FOXK2: variants seen among roughly 807,000 people sequenced by gnomAD.
The protein encoded by FOXK2 is forkhead box K2.
In FOXK2, 24 loss-of-function variants were observed where a neutral mutation model predicts 53.3. The observed-to-expected ratio is 0.45, with a 90% CI of 0.33 to 0.63. The LOEUF is 0.63. FOXK2 is among the 30% of genes least tolerant of loss of function. The pLI, the probability that FOXK2 is intolerant of heterozygous loss-of-function variation, is 0.03. For synonymous variants in FOXK2, 505 were observed against 407.1 expected, an observed-to-expected ratio of 1.24 and a Z score of -2.89; for missense variants, 952 against 910.5, an observed-to-expected ratio of 1.05 and a Z score of -0.59.
intron 8 of FOXK2, among the ~76,000 whole-genome samples, chr17:82,590,937 C>G (rs1035607030): frequency 1.3e-5 from 2 of 152,146 alleles, no homozygotes; most frequent in Admixed American, 1.3e-4. Context: ...GGCTGCCTGC[C>G]CTAAGGGGGT....
At chr17:82,595,311 TTTGTC>T (rs1237455584) in intron 8 of FOXK2, among the ~76,000 whole-genome samples, 1 of 152,110 alleles carries the variant, frequency 6.6e-6, no homozygotes, top group Non-Finnish European at 1.5e-5. Flanking sequence ...TTCTACGGCT[TTTGTC>T]TTGTTTTTTG....
chr17:82,596,176 C>A, intron 8 of FOXK2: 1 of 1,004,764 alleles, frequency 1.0e-6, no homozygotes, highest in South Asian at 4.0e-5. Context: ...GTTTGCCCAG[C>A]TCACACCAAC....
At chr17:82,551,004 C>T (rs764399386) in intron 1 of FOXK2, among the ~76,000 whole-genome samples, 2 of 152,094 alleles carry the variant, frequency 1.3e-5, no homozygotes, top group Non-Finnish European at 2.9e-5. Flanking sequence ...TTTTAAGCTT[C>T]GGAGGCTTAG....
At chr17:82,550,321 C>G (rs563300202) in intron 1 of FOXK2, among the ~76,000 whole-genome samples, 1 of 152,156 alleles carries the variant, frequency 6.6e-6, no homozygotes, top group African/African-American at 2.4e-5. Flanking sequence ...AGCAAGGCAC[C>G]CCTGTTCACA....
chr17:82,573,961 G>A (rs1386425796), intron 4 of FOXK2, among the ~76,000 whole-genome samples: 1 of 152,220 alleles, frequency 6.6e-6, no homozygotes, highest in East Asian at 1.9e-4. Flanking sequence ...CTTTTGGGGA[G>A]CAGAGCCCTT....
intron 1 of FOXK2, among the ~76,000 whole-genome samples, chr17:82,546,415 C>G (rs184789375): frequency 6.6e-6 from 1 of 152,144 alleles, no homozygotes; most frequent in Non-Finnish European, 1.5e-5. Flanking sequence ...CTGCACCCAG[C>G]CAGCGTGGTA....
intron 1 of FOXK2, among the ~76,000 whole-genome samples, chr17:82,539,512 G>T (rs949132270): frequency 6.6e-6 from 1 of 152,062 alleles, no homozygotes; most frequent in Non-Finnish European, 1.5e-5. Context: ...AGCTCTGTAT[G>T]GTGGCACATG....
chr17:82,570,521 C>T (rs2044906042), intron 3 of FOXK2, among the ~76,000 whole-genome samples: 1 of 152,126 alleles, frequency 6.6e-6, no homozygotes, highest in Admixed American at 6.5e-5. Flanking sequence ...CGTCCCTCTG[C>T]CCACTCTGAG....
At chr17:82,531,262 T>C (rs142311574) in intron 1 of FOXK2, among the ~76,000 whole-genome samples, 1 of 152,292 alleles carries the variant, frequency 6.6e-6, no homozygotes, top group East Asian at 1.9e-4. Flanking sequence ...ATTGGTTGGA[T>C]GTGGGCTTCT....
chr17:82,573,558 T>TCACACA (rs1263537053), intron 4 of FOXK2, among the ~76,000 whole-genome samples: 81 of 90,720 alleles, frequency 8.9e-4, no homozygotes, highest in African/African-American at 3.1e-3. Flanking sequence ...TCTCTCTCTC[T>TCACACA]CTCTCACACA....
chr17:82,537,887 A>T (rs1268159604), intron 1 of FOXK2, among the ~76,000 whole-genome samples: 1 of 143,550 alleles, frequency 7.0e-6, no homozygotes, highest in Non-Finnish European at 1.5e-5. Context: ...GCACCACTGC[A>T]CTCCAGCCTG....
chr17:82,585,887 G>A lies in FOXK2; in HGVS notation c.1280-17G>A, dbSNP rs565718046. On this transcript the variant is annotated splice_polypyrimidine_tract_variant and intron_variant, in intron 6 of 8. Coordinates refer to ENST00000335255, the MANE Select transcript of FOXK2 (RefSeq NM_004514.4). ...GTCAGTATCTGTAAGTGTCAGTCCTGCTGTGTCTTTCACCAGGGTCACCTC... is the reference window on the plus strand; with the variant it reads ...GTCAGTATCTGTAAGTGTCAGTCCTACTGTGTCTTTCACCAGGGTCACCTC... 1.2e-6 allele frequency: 2 copies of A among 1,601,274 alleles called. No individual in the cohort carries two copies. Among genetic ancestry groups the A allele is most frequent in the Admixed American group, 1.7e-5 (1 of 59,744 alleles).
rs566506266 is a variant in FOXK2, at chr17:82,592,128, C to A, written c.1786+4856C>A. On this transcript the variant is annotated intron_variant, in intron 8 of 8. Transcript: ENST00000335255. ...CTATGTTGCCCAGGCTGGTTTCAAACTCCTGGACTCTGGTGATCCTCTAGC... is the reference window on the plus strand; with the variant it reads ...CTATGTTGCCCAGGCTGGTTTCAAAATCCTGGACTCTGGTGATCCTCTAGC... 3.4e-4 allele frequency among the ~76,000 whole-genome samples: 52 copies of A among 152,344 alleles called. 1 individual carries two copies. The highest frequency in any genetic ancestry group is 5.7e-4 in the Non-Finnish European group (39 of 68,038).
chr17:82,577,174 AAG>A lies in FOXK2; in HGVS notation c.909+5306_909+5307del, dbSNP rs2044998092. 7.3e-6 allele frequency: 7 copies of A among 965,038 alleles called. No individual in the cohort carries two copies. The Middle Eastern group carries it at 1.0e-3, about 143-fold the overall frequency. 59.8% of individuals were successfully genotyped at this position (965,038 alleles called of 1,614,324 possible). ...CAAAACTCCGTCTCAAAAAAAGAAA[AAG>A]AAAAAAAGAAATGTATTCATTAAAA... On this transcript the variant is annotated intron_variant, in intron 4 of 8. Coordinates refer to ENST00000335255, the MANE Select transcript of FOXK2 (RefSeq NM_004514.4).
intron 1 of FOXK2, among the ~76,000 whole-genome samples, chr17:82,535,748 G>GTTTTTTTTTTTTTTTTTTTTT (rs138654812): frequency 7.1e-6 from 1 of 140,108 alleles, no homozygotes. Flanking sequence ...GTGTGTTTTT[G>GTTTTTTTTTTTTTTTTTTTTT]TTTTTGTTTT....
At chr17:82,521,651 GC>G (rs1402176770) in intron 1 of FOXK2, among the ~76,000 whole-genome samples, 3 of 150,910 alleles carry the variant, frequency 2.0e-5, no homozygotes, top group Non-Finnish European at 3.0e-5. Context: ...TTATTTTCAG[GC>G]CGGGCGCGGT....
intron 1 of FOXK2, among the ~76,000 whole-genome samples, chr17:82,547,602 T>C (rs1300009534): frequency 1.3e-5 from 2 of 152,224 alleles, no homozygotes; most frequent in Non-Finnish European, 2.9e-5. Context: ...TAATATATTG[T>C]TGCCAGCTTA....
chr17:82,582,720 G>GT, intron 4 of FOXK2, 21 bp from the exon 5 acceptor site: 1 of 1,535,224 alleles, frequency 6.5e-7, no homozygotes, highest in Non-Finnish European at 8.8e-7. Context: ...TGAATTCTAC[G>GT]TATTTTTTTA....
At chr17:82,544,563 G>A (rs1279493214) in intron 1 of FOXK2, among the ~76,000 whole-genome samples, 1 of 152,178 alleles carries the variant, frequency 6.6e-6, no homozygotes, top group East Asian at 1.9e-4. Flanking sequence ...CAACATGTGA[G>A]CATTTCTGTT....
Sources: allele counts gnomAD v4.1 joint callset (sites outside exome capture counted in the v4.1 genomes callset), GRCh38; gene constraint gnomAD v4.1.1; transcripts MANE v1.5; gene names NCBI Gene and HGNC (gene_info 2026-07-23, HGNC 2026-07-21).